GRM1: variants seen among roughly 807,000 people sequenced by gnomAD.
The protein encoded by GRM1 is metabotropic glutamate receptor 1.
GRM1 carries 33 observed loss-of-function variants against 90.9 expected under a neutral mutation model. The observed-to-expected ratio is 0.36, with a 90% CI of 0.28 to 0.49. The LOEUF is 0.49. Among genes scored for constraint, GRM1 ranks in the 20% least tolerant of loss-of-function variants. The pLI is 0.99. For synonymous variants in GRM1, 700 were observed against 613.2 expected, an observed-to-expected ratio of 1.14 and a Z score of -2.09; for missense variants, 1,190 against 1,534.3, an observed-to-expected ratio of 0.78 and a Z score of 3.75.
intron 2 of GRM1, among the ~76,000 whole-genome samples, chr6:146,278,524 C>T (rs1782453864): frequency 6.6e-6 from 1 of 152,138 alleles, no homozygotes; most frequent in Non-Finnish European, 1.5e-5. Context: ...TCCTGTAAAC[C>T]CAGCATTTTG....
intron 1 of GRM1, among the ~76,000 whole-genome samples, chr6:146,085,015 A>T (rs1776492768): frequency 6.6e-6 from 1 of 152,170 alleles, no homozygotes; most frequent in African/African-American, 2.4e-5. Context: ...GAAGCATGTT[A>T]AGTGTCTCCA....
Position 146,270,818 on chromosome 6 carries a change from TCTGCCTGC to T in GRM1, c.951-33778_951-33771del, listed in dbSNP as rs559871269. Among the ~76,000 whole-genome samples the T allele has an allele frequency of 2.8e-3, 407 of 145,712 alleles. 4 individuals are homozygous for T. The highest frequency in any genetic ancestry group is 0.011 in the African/African-American group (387 of 36,378). ...TACCCACTAAAGATTTTCTTTTCTG[TCTGCCTGC>T]CTGCCTGCCTGCCTTTCTTTCTTTT... On this transcript the variant is annotated intron_variant, in intron 2 of 7. Coordinates refer to ENST00000282753, the MANE Select transcript of GRM1 (RefSeq NM_001278064.2).
intron 3 of GRM1, among the ~76,000 whole-genome samples, chr6:146,342,058 A>G (rs531042731): frequency 1.3e-5 from 2 of 152,342 alleles, no homozygotes; most frequent in South Asian, 2.1e-4. Flanking sequence ...AGAAATGACC[A>G]TGTAACAGTC....
intron 7 of GRM1, among the ~76,000 whole-genome samples, chr6:146,433,490 T>A (rs1470010907): frequency 2.0e-5 from 3 of 152,008 alleles, no homozygotes; most frequent in Non-Finnish European, 4.4e-5. Flanking sequence ...ATTTTTTTTT[T>A]AAAGTTTTCC....
intron 2 of GRM1, among the ~76,000 whole-genome samples, chr6:146,177,017 GACCAAT>G (rs1238902114): frequency 6.6e-6 from 1 of 152,018 alleles, no homozygotes; most frequent in African/African-American, 2.4e-5. Flanking sequence ...CATGCCATTA[GACCAAT>G]ATATATTAGC....
intron 2 of GRM1, among the ~76,000 whole-genome samples, chr6:146,219,350 T>C (rs1431761056): frequency 6.6e-6 from 1 of 152,154 alleles, no homozygotes; most frequent in Admixed American, 6.6e-5. Context: ...GTGAGAACAA[T>C]ACTTTGGAGT....
rs776908447 is a variant in GRM1 at position 146,270,904 on chromosome 6, TCTTTCTTTCTTC to T, written c.951-33703_951-33692del. Reference sequence around the variant, plus strand: ...TTCTTTCTTTCTTTCTTTCTTTCTTTCTTTCTTTCTTCCTTCCTTCCTTCCTTCCTTCCTTCC... The same window carrying T: ...TTCTTTCTTTCTTTCTTTCTTTCTTTCTTCCTTCCTTCCTTCCTTCCTTCC... On this transcript the variant is annotated intron_variant, in intron 2 of 7. Transcript: ENST00000282753. 9.3e-3 allele frequency among the ~76,000 whole-genome samples: 1,058 copies of T among 113,426 alleles called. 3 individuals carry two copies. The highest frequency in any genetic ancestry group is 0.011 in the South Asian group (38 of 3,498). The allele number at this position is 113,426 out of a possible 152,430, so 74.4% of individuals were successfully genotyped here.
intron 2 of GRM1, among the ~76,000 whole-genome samples, chr6:146,291,592 G>T (rs1346641609): frequency 6.6e-6 from 1 of 151,678 alleles, no homozygotes; most frequent in Admixed American, 6.6e-5. Context: ...ATGAGGAAGT[G>T]AAAGACTTTT....
At chr6:146,338,999 A>G (rs1784874728) in intron 3 of GRM1, among the ~76,000 whole-genome samples, 1 of 152,156 alleles carries the variant, frequency 6.6e-6, no homozygotes, top group African/African-American at 2.4e-5. Flanking sequence ...CCTTGTCCTT[A>G]TAGTTGGACC....
At chr6:146,212,902 A>C (rs1467546051) in intron 2 of GRM1, among the ~76,000 whole-genome samples, 2 of 152,118 alleles carry the variant, frequency 1.3e-5, no homozygotes, top group East Asian at 3.9e-4. Context: ...AATTATTTCT[A>C]ATTGTTTCTC....
chr6:146,398,634 G>A (rs1777050815), intron 6 of GRM1, 135 bp from the exon 7 acceptor site: 3 of 754,310 alleles, frequency 4.0e-6, no homozygotes, highest in Non-Finnish European at 4.9e-6. Flanking sequence ...GTAATAGTGT[G>A]CATTTTTAAA....
At chr6:146,138,913 T>G (rs1050218838) in intron 1 of GRM1, among the ~76,000 whole-genome samples, 1 of 152,080 alleles carries the variant, frequency 6.6e-6, no homozygotes, top group Non-Finnish European at 1.5e-5. Flanking sequence ...AGATGCATAC[T>G]TAGGTTGTTT....
At chr6:146,369,397 T>C (rs1048558342) in intron 5 of GRM1, among the ~76,000 whole-genome samples, 1 of 151,964 alleles carries the variant, frequency 6.6e-6, no homozygotes, top group Non-Finnish European at 1.5e-5. Flanking sequence ...CTAGTTCTTT[T>C]AGGTGCATTA....
intron 5 of GRM1, among the ~76,000 whole-genome samples, chr6:146,361,684 G>A (rs187020009): frequency 6.6e-6 from 1 of 152,096 alleles, no homozygotes; most frequent in Non-Finnish European, 1.5e-5. Flanking sequence ...TTTTATAGAC[G>A]AGGGAATCTG....
intron 2 of GRM1, among the ~76,000 whole-genome samples, chr6:146,262,318 C>T (rs1221630089): frequency 6.6e-6 from 1 of 151,974 alleles, no homozygotes; most frequent in Non-Finnish European, 1.5e-5. Flanking sequence ...TAAACATATT[C>T]GCCATCTGAC....
chr6:146,145,456 ACT>A (rs1368793062), intron 1 of GRM1, among the ~76,000 whole-genome samples: 2 of 152,218 alleles, frequency 1.3e-5, no homozygotes, highest in Admixed American at 6.5e-5. Context: ...TCAGAACTCT[ACT>A]CTCTGTCCCC....
rs188406931 is a variant in GRM1, at chr6:146,436,765, T to C, written c.*1969T>C. ...ATTATACCCCCCTTAAATATCTTTGTTTATGCCTTATGTTCAGTCATATTT... is the reference window on the plus strand; with the variant it reads ...ATTATACCCCCCTTAAATATCTTTGCTTATGCCTTATGTTCAGTCATATTT... On this transcript the variant is annotated 3_prime_UTR_variant, in exon 8 of 8. Transcript: ENST00000282753. 1 of 152,740 alleles carries C rather than the reference T, an allele frequency of 6.5e-6. No individual in the cohort carries two copies. Among genetic ancestry groups the C allele is most frequent in the African/African-American group, 2.4e-5 (1 of 41,586 alleles). 9.5% of individuals were successfully genotyped at this position (152,740 alleles called of 1,614,324 possible).
At chr6:146,364,317 G>A (rs947817784) in intron 5 of GRM1, among the ~76,000 whole-genome samples, 1 of 152,198 alleles carries the variant, frequency 6.6e-6, no homozygotes, top group Admixed American at 6.5e-5. Context: ...AGTGTGAGGA[G>A]GAATTTTGTC....
At chr6:146,106,560 A>G (rs539590644) in intron 1 of GRM1, among the ~76,000 whole-genome samples, 1 of 152,330 alleles carries the variant, frequency 6.6e-6, no homozygotes, top group South Asian at 2.1e-4. Flanking sequence ...AAAACTTACC[A>G]ATTCAGTTCA....
Sources: gnomAD v4.1 joint callset for allele counts (sites outside exome capture counted in the v4.1 genomes callset) on GRCh38, gnomAD v4.1.1 for gene constraint, MANE v1.5 for transcripts, NCBI Gene and HGNC (gene_info 2026-07-23, HGNC 2026-07-21) for gene names.